The following LRP1B variants were observed in gnomAD, a reference collection of about 807,000 sequenced individuals.
LRP1B encodes the protein LDL receptor related protein 1B.
In LRP1B, 217 loss-of-function variants were observed where a neutral mutation model predicts 556.6. The observed-to-expected ratio is 0.39, with a 90% CI of 0.35 to 0.44. The LOEUF (loss-of-function observed/expected upper bound fraction) is 0.44. Among genes scored for constraint, LRP1B ranks in the 20% least tolerant of loss-of-function variants. LRP1B has a pLI of 1.00. For synonymous variants in LRP1B, 2,047 were observed against 1,865.8 expected, an observed-to-expected ratio of 1.10 and a Z score of -2.50; for missense variants, 5,053 against 5,620.8, an observed-to-expected ratio of 0.90 and a Z score of 3.23.
At chr2:142,077,428 C>T (rs541660560) in intron 1 of LRP1B, among the ~76,000 whole-genome samples, 1 of 152,142 alleles carries the variant, frequency 6.6e-6, no homozygotes, top group East Asian at 1.9e-4. Context: ...GTGTGTTCTG[C>T]AAATGAATAT....
intron 7 of LRP1B, among the ~76,000 whole-genome samples, chr2:141,109,778 T>C (rs1700702214): frequency 1.3e-5 from 2 of 152,124 alleles, no homozygotes; most frequent in Non-Finnish European, 2.9e-5. Flanking sequence ...GGGAAGCCTA[T>C]CCTTCTGTTA....
At chr2:140,813,391 T>C (rs191874417) in intron 32 of LRP1B, among the ~76,000 whole-genome samples, 10 of 152,226 alleles carry the variant, frequency 6.6e-5, no homozygotes, top group East Asian at 5.8e-4. Flanking sequence ...AAAATAACAA[T>C]TGTAAAATAA....
chr2:140,975,907 T>C (rs1268339458), intron 18 of LRP1B, among the ~76,000 whole-genome samples: 1 of 152,118 alleles, frequency 6.6e-6, no homozygotes, highest in Non-Finnish European at 1.5e-5. Context: ...CTTATTTCTC[T>C]ATTTTTCTTT....
chr2:141,072,769 CTCTT>C (rs1173947310), intron 7 of LRP1B, among the ~76,000 whole-genome samples: 1 of 152,122 alleles, frequency 6.6e-6, no homozygotes, highest in Non-Finnish European at 1.5e-5. Context: ...ATAGTCTTGC[CTCTT>C]TCTGTCTGCA....
chr2:142,086,006 C>G (rs1705905013), intron 1 of LRP1B, among the ~76,000 whole-genome samples: 1 of 152,142 alleles, frequency 6.6e-6, no homozygotes, highest in Non-Finnish European at 1.5e-5. Context: ...TAACCTACTA[C>G]AGGGTGATAC....
chr2:140,822,473 C>T (rs992000271), intron 31 of LRP1B, among the ~76,000 whole-genome samples: 3 of 152,236 alleles, frequency 2.0e-5, no homozygotes, highest in Admixed American at 1.3e-4. Context: ...AACAAGCAAG[C>T]GAAGTCAGTG....
intron 32 of LRP1B, among the ~76,000 whole-genome samples, chr2:140,806,109 T>C (rs1262407533): frequency 2.6e-5 from 4 of 151,898 alleles, no homozygotes; most frequent in East Asian, 3.9e-4. Context: ...TGAGAAGATA[T>C]AAAAAGTAAG....
At chr2:141,367,910 A>C (rs1330037101) in intron 3 of LRP1B, among the ~76,000 whole-genome samples, 1 of 152,218 alleles carries the variant, frequency 6.6e-6, no homozygotes, top group Non-Finnish European at 1.5e-5. Context: ...ATAGATCATC[A>C]TAAAACAAAC....
intron 66 of LRP1B, among the ~76,000 whole-genome samples, chr2:140,423,906 G>C (rs1163718983): frequency 1.3e-5 from 2 of 152,024 alleles, no homozygotes; most frequent in Non-Finnish European, 2.9e-5. Flanking sequence ...CGCTAGAAAA[G>C]TTTTCAGGAA....
chr2:141,435,930 C>G lies in LRP1B; in HGVS notation c.343+44466G>C, dbSNP rs115983264. On this transcript the variant is annotated intron_variant, in intron 3 of 90. Transcript: ENST00000389484. The stretch of plus-strand genomic sequence containing the variant: ...CCCTCCTGGGTGAAACTGTGGCCCC[C>G]AGACTGGAAGCTGGAAGAAGAATTA... Among the ~76,000 whole-genome samples, 1,108 of 152,272 alleles carry G rather than the reference C, an allele frequency of 7.3e-3. 4 individuals are homozygous for G. The highest frequency in any genetic ancestry group is 0.013 in the Non-Finnish European group (864 of 68,026).
rs1446504373 is a variant in LRP1B at position 141,346,082 on chromosome 2, T to A, written c.344-91441A>T. Among the ~76,000 whole-genome samples, 2 of 152,068 alleles carry A rather than the reference T, an allele frequency of 1.3e-5. 1 individual carries two copies. The highest frequency in any genetic ancestry group is 1.3e-4 in the Admixed American group (2 of 15,260). On this transcript the variant is annotated intron_variant, in intron 3 of 90. Coordinates refer to ENST00000389484, the MANE Select transcript of LRP1B (RefSeq NM_018557.3). ...TAGTAATATATAGTCTCTCTAAAGT[T>A]AAAATAATAGTTTTTTTAAGTTTTA...
intron 3 of LRP1B, among the ~76,000 whole-genome samples, chr2:141,401,481 C>T (rs189150510): frequency 4.6e-5 from 7 of 152,252 alleles, no homozygotes; most frequent in African/African-American, 1.7e-4. Flanking sequence ...CAGACCTGAT[C>T]ATCTTTTGGT....
At chr2:140,791,471 G>T (rs1376286376) in intron 32 of LRP1B, among the ~76,000 whole-genome samples, 1 of 151,874 alleles carries the variant, frequency 6.6e-6, no homozygotes, top group Non-Finnish European at 1.5e-5. Context: ...GAAAAGAGAA[G>T]ATTGGACTTT....
chr2:141,660,828 G>C (rs1206390090), intron 2 of LRP1B, among the ~76,000 whole-genome samples: 1 of 152,146 alleles, frequency 6.6e-6, no homozygotes, highest in Admixed American at 6.5e-5. Context: ...TGAGCACCCA[G>C]CGCGTTTTGT....
At chr2:141,580,560 TC>T (rs112383843) in intron 2 of LRP1B, among the ~76,000 whole-genome samples, 8,894 of 152,274 alleles carry the variant, frequency 0.058, 292 homozygotes, top group Non-Finnish European at 0.067. Flanking sequence ...CTTAGAGTCT[TC>T]CTACTTCCTC....
At chr2:140,875,855 T>C (rs1465677947) in intron 25 of LRP1B, among the ~76,000 whole-genome samples, 3 of 152,166 alleles carry the variant, frequency 2.0e-5, no homozygotes, top group African/African-American at 7.2e-5. Context: ...AATATGACTT[T>C]GTGTACATTA....
intron 7 of LRP1B, among the ~76,000 whole-genome samples, chr2:141,172,976 T>C (rs914295100): frequency 6.6e-6 from 1 of 151,972 alleles, no homozygotes; most frequent in African/African-American, 2.4e-5. Context: ...TTTATTGGGA[T>C]GTGACTAATG....
intron 49 of LRP1B, among the ~76,000 whole-genome samples, chr2:140,522,234 C>T (rs1054509005): frequency 1.3e-5 from 2 of 151,652 alleles, no homozygotes; most frequent in Non-Finnish European, 2.9e-5. Context: ...TCTCAGGCCT[C>T]AGTGAAATAA....
At chr2:140,264,702 ATGTGTGTG>A (rs3033314) in intron 86 of LRP1B, among the ~76,000 whole-genome samples, 31,297 of 148,588 alleles carry the variant, frequency 0.21, 3,492 homozygotes, top group Non-Finnish European at 0.26. Context: ...TTGTCTATAT[ATGTGTGTG>A]TGTGTGTGTG....
Sources: allele counts gnomAD v4.1 joint callset (sites outside exome capture counted in the v4.1 genomes callset), GRCh38; gene constraint gnomAD v4.1.1; transcripts MANE v1.5; gene names NCBI Gene and HGNC (gene_info 2026-07-23, HGNC 2026-07-21).